HSD17B4: variants seen among roughly 807,000 people sequenced by gnomAD.
The protein encoded by HSD17B4 is peroxisomal multifunctional enzyme type 2.
Under a neutral mutation model 101.0 loss-of-function variants are expected in HSD17B4, and 70 were observed. The observed-to-expected ratio is 0.69, with a 90% CI of 0.57 to 0.85. The LOEUF is 0.85. Among genes scored for constraint, HSD17B4 ranks in the 40% least tolerant of loss-of-function variants. HSD17B4 has a pLI of 0.00. For missense variants in HSD17B4, 984 were observed against 892.4 expected, an observed-to-expected ratio of 1.10 and a Z score of -1.31; for synonymous variants, 347 against 297.1, an observed-to-expected ratio of 1.17 and a Z score of -1.73.
At chr5:119,455,851 C>T (rs1332625414) in intron 1 of HSD17B4, among the ~76,000 whole-genome samples, 1 of 152,080 alleles carries the variant, frequency 6.6e-6, no homozygotes, top group Non-Finnish European at 1.5e-5. Context: ...GTAGCACTGG[C>T]ACTAGGGACC....
At chr5:119,536,303 T>C in intron 22 of HSD17B4, 120 bp from the exon 23 acceptor site, 2 of 899,086 alleles carry the variant, frequency 2.2e-6, no homozygotes. Context: ...AGAATATGTG[T>C]AGAATAAGTG....
chr5:119,527,052 GTTTCC>G, intron 19 of HSD17B4, 76 bp from the exon 20 acceptor site: 2 of 807,646 alleles, frequency 2.5e-6, no homozygotes, highest in Non-Finnish European at 4.4e-6. Context: ...GTGCTCTCTA[GTTTCC>G]TTTCCAATTT....
chr5:119,535,429 A>C (rs1467018033), intron 22 of HSD17B4, among the ~76,000 whole-genome samples: 2 of 151,950 alleles, frequency 1.3e-5, no homozygotes, highest in Non-Finnish European at 2.9e-5. Context: ...GTCTGCTTTA[A>C]TCTGGATGAG....
rs1350556421 is a variant in HSD17B4 at position 119,531,396 on chromosome 5, C to A, written c.1985C>A (p.Ala662Asp). ...WHITKGGNIG[A>D]KWTIDLKSGS... is the part of the protein sequence containing the mutation. ...ATAACCAAAGGCGGAAATATTGGGGCTAAGTGGAGTAAGTTATAGCCCTGA... is the reference window on the plus strand; with the variant it reads ...ATAACCAAAGGCGGAAATATTGGGGATAAGTGGAGTAAGTTATAGCCCTGA... The change falls in exon 22 of 24, where the codon GCT becomes GAT. Residue 662 changes from alanine to aspartate, a missense_variant. By Grantham distance (126) the Ala-to-Asp change is moderately radical (BLOSUM62 -2). Coordinates refer to ENST00000510025, the MANE Select transcript of HSD17B4 (RefSeq NM_000414.4). The A allele has an allele frequency of 1.2e-6, 2 of 1,612,682 alleles. No individual in the cohort carries two copies. Among genetic ancestry groups the A allele is most frequent in the Non-Finnish European group, 1.7e-6 (2 of 1,179,034 alleles).
intron 17 of HSD17B4, among the ~76,000 whole-genome samples, chr5:119,520,623 A>G (rs1314980311): frequency 6.6e-6 from 1 of 152,236 alleles, no homozygotes; most frequent in Non-Finnish European, 1.5e-5. Flanking sequence ...TCTTTTCTGT[A>G]AAGAATTGTA....
intron 14 of HSD17B4, among the ~76,000 whole-genome samples, chr5:119,504,831 A>G (rs1267109166): frequency 6.6e-6 from 1 of 152,178 alleles, no homozygotes; most frequent in East Asian, 1.9e-4. Context: ...CCTAAGGCTG[A>G]TGTCCAGGAT....
chr5:119,540,243 G>GT (rs1174570689), intron 23 of HSD17B4, among the ~76,000 whole-genome samples: 1 of 152,144 alleles, frequency 6.6e-6, no homozygotes, highest in Non-Finnish European at 1.5e-5. Context: ...AAAACAATTA[G>GT]TTTTTTGTGT....
intron 2 of HSD17B4, chr5:119,464,541 G>T (rs1317686694): frequency 6.6e-6 from 1 of 151,754 alleles, no homozygotes; most frequent in Non-Finnish European, 1.5e-5. Flanking sequence ...TGTTCCATTG[G>T]TCTATGTATC....
chr5:119,529,896 C>T lies in HSD17B4; in HGVS notation c.1770C>T (p.Val590=). 6.3e-7 allele frequency: 1 copy of T among 1,587,130 alleles called. No homozygotes were observed. The highest frequency in any genetic ancestry group is 8.6e-7 in the Non-Finnish European group (1 of 1,156,612). ...EGNRIHFQTK[V]QETGDIVISN... Reference sequence around the variant, plus strand: ...TTTTTTTTTCTTCTCCTCCTAAGGTCCAAGAAACTGGAGACATTGTCATTT... The same window carrying T: ...TTTTTTTTTCTTCTCCTCCTAAGGTTCAAGAAACTGGAGACATTGTCATTT... Residue 590 remains valine, a splice_region_variant and synonymous_variant, in exon 21 of 24, where the codon GTC becomes GTT. Transcript: ENST00000510025.
At chr5:119,498,027 C>T (rs1750807851) in intron 12 of HSD17B4, among the ~76,000 whole-genome samples, 2 of 151,928 alleles carry the variant, frequency 1.3e-5, no homozygotes, top group Non-Finnish European at 2.9e-5. Flanking sequence ...AAAATGCTTC[C>T]CATTGAGTCA....
chr5:119,519,342 T>G (rs1395345278), intron 17 of HSD17B4, among the ~76,000 whole-genome samples: 1 of 152,224 alleles, frequency 6.6e-6, no homozygotes. Context: ...ACTATACATA[T>G]CCTATTAAGT....
Position 119,459,740 on chromosome 5 carries a change from A to G in HSD17B4, c.112+3372A>G, listed in dbSNP as rs184950576. On this transcript the variant is annotated intron_variant, in intron 2 of 23. Transcript: ENST00000510025. The stretch of plus-strand genomic sequence containing the variant: ...CTCTCGTCTCTTTTCCTCTTCTTAT[A>G]AAGCCACTAGTCTCACTCCCATGAT... Among the ~76,000 whole-genome samples the G allele has an allele frequency of 2.0e-4, 31 of 152,214 alleles. No homozygotes were observed. The East Asian group carries it at 4.8e-3, about 24-fold the overall frequency.
At chr5:119,517,136 G>A (rs573692346) in intron 17 of HSD17B4, among the ~76,000 whole-genome samples, 265 of 152,290 alleles carry the variant, frequency 1.7e-3, no homozygotes, top group African/African-American at 6.0e-3. Flanking sequence ...GGGGCTGCGC[G>A]CGGCGCTCGC....
At position 119,496,617 on chromosome 5, in the gene HSD17B4, C is replaced by A; in HGVS notation, c.943C>A (p.Arg315Ser). Residue 315 changes from arginine (R) to serine (S), a missense_variant, in exon 12 of 24, where the codon CGT (arginine) becomes AGT (serine). Physicochemically the swap from Arg to Ser is moderately radical, Grantham distance 110. Transcript: ENST00000510025. ...AGGAGTTTCAGCAAATCATACTAGT[C>A]GTGCAACGTCTACAGCAACATCAGG... ...EGGVSANHTSRATSTATSGFA... is the reference protein window; with the variant it reads ...EGGVSANHTSSATSTATSGFA... The A allele has an allele frequency of 6.2e-7, 1 of 1,602,262 alleles. No individual in the cohort carries two copies.
At chr5:119,452,683 C>G in intron 1 of HSD17B4, 50 bp downstream of exon 1, 18 of 1,611,638 alleles carry the variant, frequency 1.1e-5, no homozygotes, top group Non-Finnish European at 1.5e-5. Flanking sequence ...GCGCAGCTGG[C>G]TGCTCTTTTC....
chr5:119,542,071 A>T lies in HSD17B4; in HGVS notation c.*77A>T. On this transcript the variant is annotated 3_prime_UTR_variant, in exon 24 of 24. Coordinates refer to ENST00000510025, the MANE Select transcript of HSD17B4 (RefSeq NM_000414.4). ...CCAAATATGCTTGATTATTCTGCAA[A>T]AGTGATTAGAACTAAGATGCAGGGG... The T allele has an allele frequency of 1.0e-6, 1 of 968,240 alleles. No individual in the cohort carries two copies. Among genetic ancestry groups the T allele is most frequent in the Non-Finnish European group, 1.7e-6 (1 of 603,564 alleles). The allele number at this position is 968,240 out of a possible 1,614,324, so 60.0% of individuals were successfully genotyped here. A position where few individuals can be genotyped will look rare whatever the true frequency, so the allele number is the denominator to read the frequency against.
intron 21 of HSD17B4, 181 bp downstream of exon 21, chr5:119,530,161 A>G (rs976466114): frequency 1.7e-6 from 1 of 594,316 alleles, no homozygotes; most frequent in Non-Finnish European, 3.0e-6. Flanking sequence ...GCAATTTATG[A>G]ACTTTAAAAA....
chr5:119,516,964 C>G (rs898444560), intron 17 of HSD17B4, among the ~76,000 whole-genome samples: 1 of 152,238 alleles, frequency 6.6e-6, no homozygotes, highest in African/African-American at 2.4e-5. Flanking sequence ...AGCCCTCGCT[C>G]GCTCTCGGCG....
intron 16 of HSD17B4, among the ~76,000 whole-genome samples, chr5:119,511,721 C>G (rs971113269): frequency 1.3e-5 from 2 of 152,202 alleles, no homozygotes; most frequent in East Asian, 1.9e-4. Context: ...AGAATAGACT[C>G]ACATGTAAGA....
Sources: allele counts gnomAD v4.1 joint callset (sites outside exome capture counted in the v4.1 genomes callset), GRCh38; gene constraint gnomAD v4.1.1; transcripts MANE v1.5; gene names NCBI Gene and HGNC (gene_info 2026-07-23, HGNC 2026-07-21).